The following AKAP9 variants were observed in gnomAD, a reference collection of about 807,000 sequenced individuals.
AKAP9 encodes the protein A-kinase anchor protein 9.
A neutral mutation model predicts 488.5 loss-of-function variants in AKAP9; 311 were observed. That is an observed-to-expected ratio of 0.64 (90% CI 0.58 to 0.70). The LOEUF is 0.70. Among genes scored for constraint, AKAP9 ranks in the 30% least tolerant of loss-of-function variants. The pLI is 0.00. For synonymous variants in AKAP9, 1,462 were observed against 1,483.5 expected, an observed-to-expected ratio of 0.99 and a Z score of 0.33; for missense variants, 4,215 against 4,374.5, an observed-to-expected ratio of 0.96 and a Z score of 1.03.
At chr7:92,055,387 A>G (rs914766080) in intron 22 of AKAP9, among the ~76,000 whole-genome samples, 2 of 152,078 alleles carry the variant, frequency 1.3e-5, no homozygotes, top group South Asian at 2.1e-4. Flanking sequence ...CCGTCAGGGT[A>G]ATGTTTGCAG....
chr7:92,083,763 G>A, intron 33 of AKAP9, 108 bp downstream of exon 33: 1 of 1,165,926 alleles, frequency 8.6e-7, no homozygotes, highest in Non-Finnish European at 1.2e-6. Flanking sequence ...AACTCATTAA[G>A]GCACTTGATC....
chr7:91,954,175 CTGTT>C (rs1366830232), intron 1 of AKAP9, among the ~76,000 whole-genome samples: 3 of 152,194 alleles, frequency 2.0e-5, no homozygotes, highest in Non-Finnish European at 2.9e-5. Context: ...TTATACTCCT[CTGTT>C]TGTAGATCAG....
At position 92,001,930 on chromosome 7, in the gene AKAP9, G is replaced by A; in HGVS notation, c.2013G>A (p.Gln671=). ...ATAAACAGCAGATAGATGGTTTACA[G>A]AATGAAATGAGTCAAAAGATAGAAA... ...IHYKQQIDGL[Q]NEMSQKIETM... is the part of the protein sequence containing the mutation. The change falls in exon 8 of 50, where the codon CAG becomes CAA. Residue 671 remains glutamine, a synonymous_variant. Transcript: ENST00000356239. 1.9e-6 allele frequency: 3 copies of A among 1,612,792 alleles called. No homozygotes were observed. The highest frequency in any genetic ancestry group is 2.5e-6 in the Non-Finnish European group (3 of 1,179,400).
chr7:92,085,356 A>G (rs1336260990), intron 35 of AKAP9, 139 bp from the exon 36 acceptor site: 8 of 810,582 alleles, frequency 9.9e-6, no homozygotes, highest in Non-Finnish European at 1.0e-5. Context: ...CCTCCACAGG[A>G]AGAAGGCATT....
intron 1 of AKAP9, among the ~76,000 whole-genome samples, chr7:91,965,285 A>G (rs756441384): frequency 1.3e-5 from 2 of 152,110 alleles, no homozygotes; most frequent in Non-Finnish European, 2.9e-5. Context: ...AGAACGTCTG[A>G]TATTTGTCTT....
intron 2 of AKAP9, among the ~76,000 whole-genome samples, chr7:91,974,560 C>A (rs181181875): frequency 6.6e-6 from 1 of 152,268 alleles, no homozygotes; most frequent in East Asian, 1.9e-4. Context: ...CAACTTTCTT[C>A]TCTTTTGGGA....
intron 6 of AKAP9, 89 bp downstream of exon 6, chr7:91,994,865 A>G (rs1345840945): frequency 1.5e-6 from 2 of 1,294,998 alleles, no homozygotes; most frequent in Non-Finnish European, 2.2e-6. Flanking sequence ...AATTTGTTAA[A>G]AAAGCCATTT....
chr7:92,040,666 TA>T lies in AKAP9; in HGVS notation c.4693-7del. 1 of 1,351,646 alleles carries T rather than the reference TA, an allele frequency of 7.4e-7. No individual in the cohort carries two copies. The highest frequency in any genetic ancestry group is 1.0e-6 in the Non-Finnish European group (1 of 962,088). The allele number at this position is 1,351,646 out of a possible 1,614,324, so 83.7% of individuals were successfully genotyped here. Reference sequence around the variant, plus strand: ...GAATTGTTTTTTTTTTTTTTTTTACTATTAAAGATTCATGATGAGATTTCAG... The same window carrying T: ...GAATTGTTTTTTTTTTTTTTTTTACTTTAAAGATTCATGATGAGATTTCAG... On this transcript the variant is annotated splice_region_variant and splice_polypyrimidine_tract_variant and intron_variant, in intron 17 of 49. Transcript: ENST00000356239.
chr7:92,060,876 A>G (rs927406436), intron 22 of AKAP9, among the ~76,000 whole-genome samples: 1 of 152,178 alleles, frequency 6.6e-6, no homozygotes. Flanking sequence ...AATGTAGAAG[A>G]AAGTTTATCA....
intron 1 of AKAP9, among the ~76,000 whole-genome samples, chr7:91,951,226 A>C (rs1200226936): frequency 6.6e-6 from 1 of 151,920 alleles, no homozygotes. Flanking sequence ...CTTTTTCTCT[A>C]GGATTTGTAC....
intron 22 of AKAP9, among the ~76,000 whole-genome samples, chr7:92,058,809 T>C (rs1271204460): frequency 6.6e-6 from 1 of 152,016 alleles, no homozygotes; most frequent in East Asian, 1.9e-4. Flanking sequence ...CAATCATATG[T>C]TATATTGGCT....
At chr7:91,947,226 T>G (rs1292534194) in intron 1 of AKAP9, among the ~76,000 whole-genome samples, 1 of 151,878 alleles carries the variant, frequency 6.6e-6, no homozygotes, top group East Asian at 1.9e-4. Context: ...GAATTTATAA[T>G]ACTGCTATCT....
At chr7:92,059,502 G>C (rs1268610266) in intron 22 of AKAP9, among the ~76,000 whole-genome samples, 1 of 151,442 alleles carries the variant, frequency 6.6e-6, no homozygotes, top group African/African-American at 2.4e-5. Flanking sequence ...ATATTTAAAT[G>C]GATTATAAGG....
In AKAP9 at chr7:91,941,091, G is replaced by T. The variant is rs767254791; in HGVS notation, c.-9G>T. 6.2e-7 allele frequency: 1 copy of T among 1,613,722 alleles called. No homozygotes were observed. On this transcript the variant is annotated 5_prime_UTR_variant, in exon 1 of 50. Transcript: ENST00000356239. ...ACCCCTGTTTTCCCCTGCCTTCCTTGCAGAGGCCATGGAGGACGAGGAGAG... is the reference window on the plus strand; with the variant it reads ...ACCCCTGTTTTCCCCTGCCTTCCTTTCAGAGGCCATGGAGGACGAGGAGAG...
At chr7:92,028,687 G>A (rs971322619) in intron 14 of AKAP9, among the ~76,000 whole-genome samples, 14 of 152,266 alleles carry the variant, frequency 9.2e-5, no homozygotes, top group African/African-American at 3.4e-4. Flanking sequence ...TATAACCCCC[G>A]ATTGCTGAAG....
Position 91,973,886 on chromosome 7 carries a change from C to G in AKAP9, c.224C>G (p.Ser75Ter). ...ATAAATAGTTCTCAGAGAGTAGAAT[C>G]AACTGTGATTCCTGAATCTACAATA... ...MYINSSQRVE[S>*]TVIPESTIMR... The change falls in exon 2 of 50, where the codon TCA becomes TGA. Residue 75 changes from serine (S) to a stop codon, truncating the protein, a stop_gained. Transcript: ENST00000356239. LOFTEE classifies it high-confidence loss of function. 6.2e-7 allele frequency: 1 copy of G among 1,613,824 alleles called. No individual in the cohort carries two copies. The highest frequency in any genetic ancestry group is 8.5e-7 in the Non-Finnish European group (1 of 1,179,860).
At chr7:92,012,341 T>C in intron 8 of AKAP9, 88 bp from the exon 9 acceptor site, 1 of 1,210,360 alleles carries the variant, frequency 8.3e-7, no homozygotes, top group Non-Finnish European at 1.2e-6. Flanking sequence ...TTTTAAACTC[T>C]TGTAGTCAGT....
intron 22 of AKAP9, 74 bp downstream of exon 22, chr7:92,053,032 A>G: frequency 8.0e-7 from 1 of 1,256,590 alleles, no homozygotes; most frequent in Non-Finnish European, 1.1e-6. Context: ...GACTGAGCTA[A>G]TTTTGATATT....
chr7:92,007,374 A>G (rs1800049188), intron 8 of AKAP9, among the ~76,000 whole-genome samples: 2 of 136,508 alleles, frequency 1.5e-5, no homozygotes. Context: ...AACTCAGCCT[A>G]TCAAGTAGGT....
Sources: allele counts gnomAD v4.1 joint callset (sites outside exome capture counted in the v4.1 genomes callset), GRCh38; gene constraint gnomAD v4.1.1; transcripts MANE v1.5; gene names NCBI Gene and HGNC (gene_info 2026-07-23, HGNC 2026-07-21).